The following NPAS3 variants were observed in gnomAD, a reference collection of about 807,000 sequenced individuals.
The protein encoded by NPAS3 is neuronal PAS domain protein 3, also known as neuronal PAS domain-containing protein 3.
A neutral mutation model predicts 73.1 loss-of-function variants in NPAS3; 14 were observed. The ratio of observed to expected loss-of-function variants is 0.19; its 90% confidence interval spans 0.13 to 0.30. The LOEUF is 0.30. Ranked by LOEUF, NPAS3 falls within the 10% of genes least tolerant of loss-of-function variation. The pLI, the probability that NPAS3 is intolerant of heterozygous loss-of-function variation, is 1.00. For missense variants in NPAS3, 1,096 were observed against 1,250.0 expected, an observed-to-expected ratio of 0.88 and a Z score of 1.86; for synonymous variants, 620 against 541.5, an observed-to-expected ratio of 1.14 and a Z score of -2.01.
chr14:33,585,206 G>A (rs1023348857), intron 5 of NPAS3, among the ~76,000 whole-genome samples: 1 of 152,106 alleles, frequency 6.6e-6, no homozygotes, highest in Non-Finnish European at 1.5e-5. Flanking sequence ...AGTGGTGAGA[G>A]TCCATGTTAG....
At chr14:33,016,291 G>A (rs1305314477) in intron 1 of NPAS3, among the ~76,000 whole-genome samples, 1 of 152,160 alleles carries the variant, frequency 6.6e-6, no homozygotes, top group East Asian at 1.9e-4. Context: ...TACAGAGCCA[G>A]TGTCTCTGTA....
intron 1 of NPAS3, among the ~76,000 whole-genome samples, chr14:32,993,432 C>T (rs2038421094): frequency 6.6e-6 from 1 of 152,122 alleles, no homozygotes; most frequent in Non-Finnish European, 1.5e-5. Context: ...GAAATATAAT[C>T]AAATACAATC....
At chr14:33,770,590 A>G (rs1036587080) in intron 7 of NPAS3, among the ~76,000 whole-genome samples, 1 of 152,230 alleles carries the variant, frequency 6.6e-6, no homozygotes. Context: ...CTAAAGAACC[A>G]GGAAAATACC....
At position 33,689,585 on chromosome 14, in the gene NPAS3, T is replaced by C. The variant is rs1335861827; in HGVS notation, c.733+13200T>C. Among the ~76,000 whole-genome samples, 10 of 152,160 alleles carry C rather than the reference T, an allele frequency of 6.6e-5. No homozygotes were observed. The South Asian group carries it at 1.5e-3, about 22-fold the overall frequency. ...CACAAATCGTAGTACCCAAAAGATATGCTTCTGAAAAAACACAGACGCACA... is the reference window on the plus strand; with the variant it reads ...CACAAATCGTAGTACCCAAAAGATACGCTTCTGAAAAAACACAGACGCACA... On this transcript the variant is annotated intron_variant, in intron 6 of 11. Coordinates refer to ENST00000356141, the Ensembl canonical transcript of NPAS3.
At chr14:33,341,573 G>T (rs10133320) in intron 3 of NPAS3, among the ~76,000 whole-genome samples, 1,777 of 152,276 alleles carry the variant, frequency 0.012, 38 homozygotes, top group African/African-American at 0.041. Flanking sequence ...GGGGATGGCA[G>T]AGTGGGGCGA....
At chr14:33,172,754 T>A (rs1008416697) in intron 2 of NPAS3, among the ~76,000 whole-genome samples, 5 of 151,634 alleles carry the variant, frequency 3.3e-5, no homozygotes, top group East Asian at 1.9e-4. Flanking sequence ...AAAAAAAAAA[T>A]TAAAAATTGC....
At chr14:32,959,882 C>G (rs1333589386) in intron 1 of NPAS3, among the ~76,000 whole-genome samples, 1 of 152,054 alleles carries the variant, frequency 6.6e-6, no homozygotes, top group East Asian at 1.9e-4. Context: ...GATATGCTGA[C>G]TGAAGTCAGG....
intron 4 of NPAS3, among the ~76,000 whole-genome samples, chr14:33,380,679 G>A (rs2046507973): frequency 6.6e-6 from 1 of 152,162 alleles, no homozygotes; most frequent in Non-Finnish European, 1.5e-5. Flanking sequence ...AAACATTTGG[G>A]AGAATTAGTG....
intron 3 of NPAS3, among the ~76,000 whole-genome samples, chr14:33,217,107 G>A (rs540831202): frequency 5.4e-4 from 82 of 152,178 alleles, no homozygotes; most frequent in Non-Finnish European, 1.0e-3. Context: ...GTCTTACATG[G>A]CAGCAGGAGA....
chr14:33,387,739 A>C (rs1479170186), intron 4 of NPAS3, among the ~76,000 whole-genome samples: 1 of 152,150 alleles, frequency 6.6e-6, no homozygotes, highest in East Asian at 1.9e-4. Flanking sequence ...CTCTCAGTGA[A>C]ATAATGGTTT....
intron 1 of NPAS3, among the ~76,000 whole-genome samples, chr14:33,008,118 A>G (rs1393621357): frequency 1.3e-5 from 2 of 152,238 alleles, no homozygotes; most frequent in African/African-American, 2.4e-5. Context: ...AGAATGATAG[A>G]GAAACACCAG....
chr14:33,671,010 CA>C (rs1488964368), intron 5 of NPAS3, among the ~76,000 whole-genome samples: 1 of 151,932 alleles, frequency 6.6e-6, no homozygotes, highest in Non-Finnish European at 1.5e-5. Flanking sequence ...TGATAAAAAT[CA>C]ACTTTATATT....
intron 6 of NPAS3, among the ~76,000 whole-genome samples, chr14:33,712,194 G>T (rs1288271166): frequency 1.3e-5 from 2 of 152,138 alleles, no homozygotes; most frequent in Non-Finnish European, 2.9e-5. Context: ...AGGACCTGGT[G>T]GTTTTGCAAC....
chr14:33,113,974 G>T (rs897310261), intron 2 of NPAS3, among the ~76,000 whole-genome samples: 1 of 152,168 alleles, frequency 6.6e-6, no homozygotes, highest in African/African-American at 2.4e-5. Context: ...TATGTTTATT[G>T]ATTTGCATAT....
rs549406169 is a variant in NPAS3 at position 33,007,297 on chromosome 14, T to G, written c.51-48608T>G. 2.1e-4 allele frequency among the ~76,000 whole-genome samples: 32 copies of G among 152,312 alleles called. 1 individual carries two copies. The South Asian group carries it at 6.2e-3, about 30-fold the overall frequency. On this transcript the variant is annotated intron_variant, in intron 1 of 11. Transcript: ENST00000356141. ...GCACGAGTCACTTGGCTTAACTCACTCGTTGCCTAATTCTGTATTTTTGTT... is the reference window on the plus strand; with the variant it reads ...GCACGAGTCACTTGGCTTAACTCACGCGTTGCCTAATTCTGTATTTTTGTT...
chr14:33,655,331 C>CTTTTTTT (rs3059406), intron 5 of NPAS3, among the ~76,000 whole-genome samples: 1 of 105,884 alleles, frequency 9.4e-6, no homozygotes, highest in African/African-American at 3.8e-5. Context: ...ACCTTTGGCT[C>CTTTTTTT]TTTTTTTTTT....
At chr14:33,052,881 A>C (rs1412956578) in intron 1 of NPAS3, among the ~76,000 whole-genome samples, 2 of 152,076 alleles carry the variant, frequency 1.3e-5, no homozygotes, top group Admixed American at 6.6e-5. Flanking sequence ...TATCTTACTT[A>C]TCACTGAAAA....
chr14:33,252,640 A>T (rs1594515530), intron 3 of NPAS3, among the ~76,000 whole-genome samples: 1 of 148,458 alleles, frequency 6.7e-6, no homozygotes, highest in Non-Finnish European at 1.5e-5. Flanking sequence ...ATAGTTATCT[A>T]TTTTTTTTTT....
intron 3 of NPAS3, among the ~76,000 whole-genome samples, chr14:33,329,319 A>C (rs1043692302): frequency 1.3e-5 from 2 of 152,170 alleles, no homozygotes; most frequent in African/African-American, 4.8e-5. Context: ...CTGCGCTACC[A>C]GCATGACTTG....
Sources: allele counts gnomAD v4.1 joint callset (sites outside exome capture counted in the v4.1 genomes callset), GRCh38; gene constraint gnomAD v4.1.1; transcripts MANE v1.5; gene names NCBI Gene and HGNC (gene_info 2026-07-23, HGNC 2026-07-21).